Variants in GALNT16 observed in about 807,000 individuals in gnomAD.
GALNT16 encodes UDP-GalNAc:polypeptide N-acetylgalactosaminyltransferase-like protein 1.
GALNT16 carries 40 observed loss-of-function variants against 76.1 expected under a neutral mutation model. The observed-to-expected ratio is 0.53, with a 90% CI of 0.41 to 0.68. GALNT16 has a LOEUF of 0.68. GALNT16 is among the 30% of genes least tolerant of loss of function. The pLI is 0.00. For missense variants in GALNT16, 621 were observed against 731.9 expected, an observed-to-expected ratio of 0.85 and a Z score of 1.75; for synonymous variants, 276 against 285.2, an observed-to-expected ratio of 0.97 and a Z score of 0.32.
intron 1 of GALNT16, among the ~76,000 whole-genome samples, chr14:69,280,618 A>G (rs2044528185): frequency 6.6e-6 from 1 of 152,184 alleles, no homozygotes; most frequent in African/African-American, 2.4e-5. Context: ...AGGAATCACC[A>G]TAACTTTTTC....
intron 2 of GALNT16, among the ~76,000 whole-genome samples, chr14:69,324,088 T>C (rs2045243113): frequency 6.6e-6 from 1 of 151,860 alleles, no homozygotes; most frequent in Non-Finnish European, 1.5e-5. Flanking sequence ...GGATAGGCCT[T>C]TGGTGTCTTA....
At chr14:69,312,160 A>G (rs1004375552) in intron 1 of GALNT16, among the ~76,000 whole-genome samples, 20 of 152,086 alleles carry the variant, frequency 1.3e-4, no homozygotes, top group Admixed American at 6.5e-4. Context: ...CTGAGGTGGG[A>G]GGATCACTTG....
chr14:69,282,773 C>G (rs2044561504), intron 1 of GALNT16, among the ~76,000 whole-genome samples: 1 of 152,098 alleles, frequency 6.6e-6, no homozygotes, highest in South Asian at 2.1e-4. Flanking sequence ...TCAAGCAATT[C>G]TCCTGCCTCA....
chr14:69,284,993 G>C (rs956921164), intron 1 of GALNT16, among the ~76,000 whole-genome samples: 2 of 151,446 alleles, frequency 1.3e-5, no homozygotes, highest in Non-Finnish European at 2.9e-5. Flanking sequence ...CAGAACTGTG[G>C]GTCAATTAAA....
the GALNT16 span, among the ~76,000 whole-genome samples, chr14:69,372,246 G>A: frequency 6.6e-6 from 1 of 152,034 alleles, no homozygotes; most frequent in Non-Finnish European, 1.5e-5. Flanking sequence ...GAGGTGAGGC[G>A]GTTGTCCTTG....
chr14:69,331,620 C>G (rs2045354358), intron 7 of GALNT16, 69 bp downstream of exon 7: 2 of 861,076 alleles, frequency 2.3e-6, no homozygotes, highest in Non-Finnish European at 4.0e-6. Context: ...CAGGCAAAAA[C>G]CCTTGCTTGC....
chr14:69,335,761 G>A (rs760842756), intron 9 of GALNT16, among the ~76,000 whole-genome samples: 4 of 152,104 alleles, frequency 2.6e-5, no homozygotes, highest in Non-Finnish European at 4.4e-5. Flanking sequence ...TGTCGCTGGT[G>A]GGTTTGAGCC....
At chr14:69,287,236 A>G (rs534889214) in intron 1 of GALNT16, among the ~76,000 whole-genome samples, 1 of 152,318 alleles carries the variant, frequency 6.6e-6, no homozygotes, top group African/African-American at 2.4e-5. Flanking sequence ...ACATCATTGT[A>G]TCTCCACTGT....
chr14:69,342,812 C>T (rs1280840373), intron 12 of GALNT16, among the ~76,000 whole-genome samples: 1 of 152,122 alleles, frequency 6.6e-6, no homozygotes, highest in East Asian at 1.9e-4. Context: ...GGTTCATTTC[C>T]TCACCTTCCT....
At chr14:69,291,539 CCTT>C (rs1329868254) in intron 1 of GALNT16, among the ~76,000 whole-genome samples, 1 of 152,200 alleles carries the variant, frequency 6.6e-6, no homozygotes. Context: ...GGGAAAGGCA[CCTT>C]CTTCCACAGA....
the GALNT16 span, among the ~76,000 whole-genome samples, chr14:69,367,276 T>G: frequency 1.3e-5 from 2 of 152,036 alleles, no homozygotes; most frequent in African/African-American, 4.8e-5. Flanking sequence ...CCCCGCAAAC[T>G]CATATGTTGA....
chr14:69,334,660 G>A (rs1167020594), intron 9 of GALNT16, among the ~76,000 whole-genome samples: 1 of 152,156 alleles, frequency 6.6e-6, no homozygotes, highest in South Asian at 2.1e-4. Context: ...CCACGATGGA[G>A]CTGTGGTCTT....
chr14:69,272,875 A>G (rs1468209855), intron 1 of GALNT16, among the ~76,000 whole-genome samples: 1 of 152,240 alleles, frequency 6.6e-6, no homozygotes, highest in Non-Finnish European at 1.5e-5. Flanking sequence ...AGGGTATCCC[A>G]TATAGCCTAG....
chr14:69,320,904 C>A, intron 2 of GALNT16, 36 bp downstream of exon 2: 2 of 1,594,728 alleles, frequency 1.3e-6, no homozygotes, highest in East Asian at 4.5e-5. Context: ...GGAAGAAAGA[C>A]TGAGAGAAAG....
chr14:69,312,832 G>A (rs762692877), intron 1 of GALNT16, among the ~76,000 whole-genome samples: 74 of 152,272 alleles, frequency 4.9e-4, no homozygotes, highest in Non-Finnish European at 7.2e-4. Flanking sequence ...CTGTGTGCCG[G>A]GCACCAGAGG....
intron 1 of GALNT16, among the ~76,000 whole-genome samples, chr14:69,284,183 G>C (rs568123075): frequency 6.6e-6 from 1 of 152,242 alleles, no homozygotes; most frequent in East Asian, 1.9e-4. Context: ...GCAGTTCCTC[G>C]AGAAAGGGAT....
intron 1 of GALNT16, among the ~76,000 whole-genome samples, chr14:69,270,665 C>T (rs1566858962): frequency 1.3e-5 from 2 of 152,196 alleles, no homozygotes; most frequent in South Asian, 4.1e-4. Context: ...ATCAGCGGTC[C>T]GTTCCAGGGG....
rs186137713 is a variant in GALNT16 at position 69,293,938 on chromosome 14, G to A, written c.178-26773G>A. On this transcript the variant is annotated intron_variant, in intron 1 of 14. Transcript: ENST00000448469. ...ACGGAGTCTTGCTCTGTCACCAGGCGGGAGTACAGTGGCATAATCTCGGCT... is the reference window on the plus strand; with the variant it reads ...ACGGAGTCTTGCTCTGTCACCAGGCAGGAGTACAGTGGCATAATCTCGGCT... 1.9e-3 allele frequency among the ~76,000 whole-genome samples: 281 copies of A among 151,836 alleles called. 3 individuals are homozygous for A. Among genetic ancestry groups the A allele is most frequent in the African/African-American group, 6.5e-3 (270 of 41,404 alleles).
rs112233454 is a variant in GALNT16 at position 69,270,342 on chromosome 14, G to A, written c.177+9875G>A. 2.9e-3 allele frequency among the ~76,000 whole-genome samples: 443 copies of A among 152,288 alleles called. 4 individuals are homozygous for A. Among genetic ancestry groups the A allele is most frequent in the Middle Eastern group, 0.01 (3 of 294 alleles). On this transcript the variant is annotated intron_variant, in intron 1 of 14. Coordinates refer to ENST00000448469, the MANE Select transcript of GALNT16 (RefSeq NM_001168368.2). ...ATCTGAGGTGTGTCCTCTGAGGTTC[G>A]ATGGCTCCCTCAGTGCCCAGGTGAC...
Sources: allele counts gnomAD v4.1 joint callset (sites outside exome capture counted in the v4.1 genomes callset), GRCh38; gene constraint gnomAD v4.1.1; transcripts MANE v1.5; gene names NCBI Gene and HGNC (gene_info 2026-07-23, HGNC 2026-07-21).